Variants in SFMBT2 observed in about 807,000 individuals in gnomAD.
SFMBT2 encodes Scm like with four mbt domains 2, also known as scm-like with four MBT domains protein 2.
Under a neutral mutation model 110.1 loss-of-function variants are expected in SFMBT2, and 38 were observed. That is an observed-to-expected ratio of 0.35 (90% confidence interval 0.27 to 0.45). The LOEUF is 0.45. SFMBT2 is among the 20% of genes least tolerant of loss of function. The pLI is 1.00. For missense variants in SFMBT2, 1,011 were observed against 1,094.9 expected (o/e 0.92, Z 1.08); for synonymous variants, 425 against 425.4 (o/e 1.00, Z 0.01).
intron 1 of SFMBT2, among the ~76,000 whole-genome samples, chr10:7,397,963 C>T (rs1192305694): frequency 6.6e-6 from 1 of 152,240 alleles, no homozygotes; most frequent in African/African-American, 2.4e-5. Context: ...AGGAGTTCAC[C>T]TTGCCATCCG....
chr10:7,356,392 C>T (rs558598567), intron 4 of SFMBT2, among the ~76,000 whole-genome samples: 22 of 152,062 alleles, frequency 1.4e-4, no homozygotes, highest in East Asian at 3.9e-4. Context: ...CTAGCTACTG[C>T]GTTTTGTTGT....
intron 9 of SFMBT2, chr10:7,241,349 A>G (rs1329771422): frequency 9.2e-6 from 9 of 981,884 alleles, no homozygotes; most frequent in Non-Finnish European, 9.7e-6. Flanking sequence ...GTTTAAAAAG[A>G]GTTATAGTTT....
At chr10:7,317,610 G>A (rs1025811978) in intron 4 of SFMBT2, among the ~76,000 whole-genome samples, 1 of 134,866 alleles carries the variant, frequency 7.4e-6, no homozygotes, top group Non-Finnish European at 1.5e-5. Flanking sequence ...CACTGCACTC[G>A]AGCCTGGGCA....
intron 4 of SFMBT2, among the ~76,000 whole-genome samples, chr10:7,356,709 C>A (rs932526053): frequency 6.6e-6 from 1 of 152,192 alleles, no homozygotes; most frequent in African/African-American, 2.4e-5. Context: ...TGAGCCACGG[C>A]GCCCAGCCAG....
Position 7,283,949 on chromosome 10 carries a change from C to G in SFMBT2, c.727G>C (p.Val243Leu). Residue 243 changes from valine to leucine, a missense_variant, in exon 6 of 21, where the codon GTT (valine) becomes CTT (leucine). Coordinates refer to ENST00000397167, the MANE Select transcript of SFMBT2 (RefSeq NM_001387889.1). ...LFYLDYRLRP[V>L]GWCQENKYRM... is the part of the protein sequence containing the mutation. ...TATTTATTCTCTTGACACCAACCAACTGGTCGAAGTCTGTAATCCAAGTAA... is the reference window on the plus strand; with the variant it reads ...TATTTATTCTCTTGACACCAACCAAGTGGTCGAAGTCTGTAATCCAAGTAA... The G allele has an allele frequency of 6.2e-7, 1 of 1,606,506 alleles. No homozygotes were observed. The highest frequency in any genetic ancestry group is 8.5e-7 in the Non-Finnish European group (1 of 1,172,994).
At chr10:7,208,186 C>T (rs7920088) in intron 11 of SFMBT2, among the ~76,000 whole-genome samples, 35,422 of 151,924 alleles carry the variant, frequency 0.23, 4,391 homozygotes, top group South Asian at 0.39. Context: ...TGCCTCTGCC[C>T]GTCCTGAAGG....
At chr10:7,242,766 A>G (rs941389555) in intron 9 of SFMBT2, among the ~76,000 whole-genome samples, 1 of 152,246 alleles carries the variant, frequency 6.6e-6, no homozygotes, top group Non-Finnish European at 1.5e-5. Flanking sequence ...TGGGAACTGC[A>G]TGATTCTCCC....
chr10:7,310,936 A>G (rs1026808454), intron 4 of SFMBT2, among the ~76,000 whole-genome samples: 1 of 151,772 alleles, frequency 6.6e-6, no homozygotes, highest in African/African-American at 2.4e-5. Context: ...AATCCCAGCT[A>G]CTCAGGAGGC....
chr10:7,302,911 G>GAA (rs1842591548), intron 4 of SFMBT2, among the ~76,000 whole-genome samples: 1 of 151,892 alleles, frequency 6.6e-6, no homozygotes, highest in Non-Finnish European at 1.5e-5. Context: ...AATAAGTAAA[G>GAA]TTCCTAAGGT....
intron 16 of SFMBT2, among the ~76,000 whole-genome samples, chr10:7,177,859 T>TAA (rs58162082): frequency 1.3e-4 from 19 of 146,124 alleles, no homozygotes; most frequent in East Asian, 4.0e-4. Context: ...CTCTGTCTCT[T>TAA]AAAAAAAAAA....
At chr10:7,382,243 CT>C (rs1457467322) in intron 1 of SFMBT2, among the ~76,000 whole-genome samples, 1 of 152,000 alleles carries the variant, frequency 6.6e-6, no homozygotes, top group Non-Finnish European at 1.5e-5. Flanking sequence ...AACCCTGTCT[CT>C]ACTGAAAATA....
intron 9 of SFMBT2, among the ~76,000 whole-genome samples, chr10:7,236,595 A>AATTCAAGC (rs1008622989): frequency 6.6e-6 from 1 of 152,222 alleles, no homozygotes; most frequent in African/African-American, 2.4e-5. Flanking sequence ...ACTTCAATTC[A>AATTCAAGC]ATTCAAGCAA....
At chr10:7,368,106 T>A (rs1844961044) in intron 3 of SFMBT2, among the ~76,000 whole-genome samples, 1 of 152,206 alleles carries the variant, frequency 6.6e-6, no homozygotes, top group Admixed American at 6.5e-5. Context: ...AAAGAATAAA[T>A]TTAATTCTAA....
In SFMBT2 at chr10:7,172,615, C is replaced by T. The variant is rs1837922293; in HGVS notation, c.2031G>A (p.Gly677=). The change falls in exon 18 of 21, where the codon GGG becomes GGA. Residue 677 remains glycine (G), a synonymous_variant. Transcript: ENST00000397167. This position sits in a 1 kb window ranked among gnomAD's most constrained non-coding sequence, Gnocchi z 4.6. ...KRKKISKPPI[G]ESNPDSGHPK... is the part of the protein sequence containing the mutation. ...GGTGTCCGCTGTCGGGGTTGCTTTC[C>T]CCGATGGGGGGCTTGGAGATCTTCT... 6.2e-7 allele frequency: 1 copy of T among 1,614,094 alleles called. No individual in the cohort carries two copies. Among genetic ancestry groups the T allele is most frequent in the South Asian group, 1.1e-5 (1 of 91,078 alleles).
chr10:7,263,277 C>T lies in SFMBT2; in HGVS notation c.870+13615G>A, dbSNP rs185889564. ...CTTTTTTGAGACAGAGTTTCTCCCT[C>T]GTCGCCCAGGCTGGAGTACAATGGC... On this transcript the variant is annotated intron_variant, in intron 7 of 20. Transcript: ENST00000397167. Among the ~76,000 whole-genome samples, 776 of 152,024 alleles carry T rather than the reference C, an allele frequency of 5.1e-3. 4 individuals are homozygous for T. Among genetic ancestry groups the T allele is most frequent in the Middle Eastern group, 0.017 (5 of 294 alleles).
intron 10 of SFMBT2, 152 bp downstream of exon 10, chr10:7,227,703 A>G: frequency 1.5e-6 from 1 of 649,462 alleles, no homozygotes; most frequent in Non-Finnish European, 2.6e-6. Context: ...TACAACCTGA[A>G]AGCAGAGCTT....
intron 1 of SFMBT2, among the ~76,000 whole-genome samples, chr10:7,410,485 C>T (rs1846342950): frequency 6.6e-6 from 1 of 152,190 alleles, no homozygotes; most frequent in African/African-American, 2.4e-5. Flanking sequence ...GGACAGGCTG[C>T]GCCCGGGGAA....
Position 7,159,144 on chromosome 10 carries a change from C to T in SFMBT2, c.*4626G>A, listed in dbSNP as rs1355709964. The T allele has an allele frequency of 1.3e-5, 2 of 152,130 alleles. No individual in the cohort carries two copies. Among genetic ancestry groups the T allele is most frequent in the African/African-American group, 2.4e-5 (1 of 41,402 alleles). 9.4% of individuals were successfully genotyped at this position (152,130 alleles called of 1,614,324 possible). A position where few individuals can be genotyped will look rare whatever the true frequency, so the allele number is the denominator to read the frequency against. On this transcript the variant is annotated 3_prime_UTR_variant, in exon 21 of 21. Transcript: ENST00000397167. The stretch of plus-strand genomic sequence containing the variant: ...ACTGCTCTGCGTTGGTTAGGCGACA[C>T]GACCGTCATACTTACTGGGCCAAAT...
At chr10:7,378,034 TGTGGATGG>T (rs1845295461) in intron 2 of SFMBT2, among the ~76,000 whole-genome samples, 3 of 148,952 alleles carry the variant, frequency 2.0e-5, no homozygotes, top group Non-Finnish European at 3.0e-5. Flanking sequence ...GGAGTGTGTG[TGTGGATGG>T]GTGGATGGAT....
Sources: allele counts gnomAD v4.1 joint callset (sites outside exome capture counted in the v4.1 genomes callset), GRCh38; gene constraint gnomAD v4.1.1; non-coding constraint Gnocchi (gnomAD v3.1); transcripts MANE v1.5; gene names NCBI Gene and HGNC (gene_info 2026-07-23, HGNC 2026-07-21).